Variants in PRUNE2 observed in about 807,000 individuals in gnomAD.
PRUNE2 encodes protein prune homolog 2.
A neutral mutation model predicts 252.0 loss-of-function variants in PRUNE2; 164 were observed. The observed-to-expected ratio is 0.65, with a 90% confidence interval of 0.57 to 0.74. PRUNE2 has a LOEUF of 0.74. Among genes scored for constraint, PRUNE2 ranks in the 30% least tolerant of loss-of-function variants. The pLI is 0.00. For missense variants in PRUNE2, 3,495 were observed against 3,711.0 expected, an observed-to-expected ratio of 0.94 and a Z score of 1.51; for synonymous variants, 1,292 against 1,350.2, an observed-to-expected ratio of 0.96 and a Z score of 0.94.
At chr9:76,754,466 A>G (rs939867797) in intron 6 of PRUNE2, among the ~76,000 whole-genome samples, 2 of 152,300 alleles carry the variant, frequency 1.3e-5, no homozygotes, top group Non-Finnish European at 2.9e-5. Flanking sequence ...ATGGGCACGC[A>G]TGAACATCAT....
intron 9 of PRUNE2, chr9:76,692,065 C>G (rs542947020): frequency 2.8e-6 from 2 of 717,456 alleles, no homozygotes; most frequent in African/African-American, 3.5e-5. Flanking sequence ...TACACCAGGA[C>G]CCACCTACCT....
At chr9:76,773,588 C>T (rs374381994) in intron 6 of PRUNE2, among the ~76,000 whole-genome samples, 52 of 152,152 alleles carry the variant, frequency 3.4e-4, no homozygotes, top group Admixed American at 1.1e-3. Flanking sequence ...GGATTACAGG[C>T]ACCTGCCAGC....
At chr9:76,828,849 C>T (rs555493354) in intron 4 of PRUNE2, among the ~76,000 whole-genome samples, 1 of 152,140 alleles carries the variant, frequency 6.6e-6, no homozygotes, top group South Asian at 2.1e-4. Context: ...AACCCCATCT[C>T]TACTAAAAAT....
intron 1 of PRUNE2, among the ~76,000 whole-genome samples, chr9:76,878,039 A>G (rs1460321476): frequency 6.6e-6 from 1 of 152,230 alleles, no homozygotes; most frequent in Non-Finnish European, 1.5e-5. Flanking sequence ...TAGCTGCATC[A>G]GCAAGATGCT....
intron 14 of PRUNE2, 129 bp downstream of exon 14, chr9:76,637,289 A>G (rs1840581093): frequency 1.1e-6 from 1 of 909,250 alleles, no homozygotes; most frequent in East Asian, 2.5e-5. Context: ...AACTTAGACA[A>G]TTTATTTGAT....
intron 9 of PRUNE2, among the ~76,000 whole-genome samples, chr9:76,693,745 G>C (rs762334126): frequency 2.0e-5 from 3 of 152,080 alleles, no homozygotes; most frequent in Non-Finnish European, 4.4e-5. Flanking sequence ...CCCGGCCTTA[G>C]CTCCTATTCT....
chr9:76,836,468 G>GGT (rs1378630292), intron 4 of PRUNE2, among the ~76,000 whole-genome samples: 1 of 151,626 alleles, frequency 6.6e-6, no homozygotes, highest in Non-Finnish European at 1.5e-5. Flanking sequence ...AGCAAAAATA[G>GGT]GTGGGCAAGG....
chr9:76,838,684 A>C (rs2059211447), intron 4 of PRUNE2, among the ~76,000 whole-genome samples: 1 of 149,170 alleles, frequency 6.7e-6, no homozygotes, highest in African/African-American at 2.4e-5. Context: ...TACAGCCAGA[A>C]CCCATCTGTA....
chr9:76,860,089 C>G (rs894342324), intron 1 of PRUNE2, among the ~76,000 whole-genome samples: 11 of 152,144 alleles, frequency 7.2e-5, no homozygotes, highest in African/African-American at 2.7e-4. Context: ...ACAGGGGTGT[C>G]TAAACTGTCT....
rs559152632 is a variant in PRUNE2, at chr9:76,898,216, G to T, written c.36+7712C>A. On this transcript the variant is annotated intron_variant, in intron 1 of 18. Coordinates refer to ENST00000376718, the MANE Select transcript of PRUNE2 (RefSeq NM_015225.3). Reference sequence around the variant, plus strand: ...AAGGAGGACAAAAGTCCTTCTAAGGGTCTCCTAAATCCACAACTCATACTC... The same window carrying T: ...AAGGAGGACAAAAGTCCTTCTAAGGTTCTCCTAAATCCACAACTCATACTC... Among the ~76,000 whole-genome samples, 20 of 152,334 alleles carry T rather than the reference G, an allele frequency of 1.3e-4. 1 individual carries two copies. The South Asian group carries it at 4.1e-3, about 32-fold the overall frequency.
chr9:76,865,290 C>T (rs548964801), intron 1 of PRUNE2, among the ~76,000 whole-genome samples: 21 of 152,096 alleles, frequency 1.4e-4, no homozygotes, highest in African/African-American at 5.1e-4. Flanking sequence ...GTCAGGAGTT[C>T]GAGACCAGCC....
At chr9:76,799,533 G>A (rs1370026407) in intron 6 of PRUNE2, among the ~76,000 whole-genome samples, 4 of 152,164 alleles carry the variant, frequency 2.6e-5, no homozygotes, top group African/African-American at 9.7e-5. Context: ...CATGGTGGGG[G>A]AAAGAGGCAG....
intron 1 of PRUNE2, among the ~76,000 whole-genome samples, chr9:76,889,952 C>T (rs1321297811): frequency 2.0e-5 from 3 of 152,164 alleles, no homozygotes; most frequent in African/African-American, 7.2e-5. Context: ...AATCAGAGTC[C>T]GCCTTTCAGC....
intron 1 of PRUNE2, among the ~76,000 whole-genome samples, chr9:76,871,600 A>G (rs1432346613): frequency 2.0e-5 from 3 of 152,166 alleles, no homozygotes; most frequent in Non-Finnish European, 2.9e-5. Flanking sequence ...ACAGTGGTCA[A>G]TCTTGATTAT....
At chr9:76,678,614 G>A (rs1000931759) in intron 9 of PRUNE2, among the ~76,000 whole-genome samples, 3 of 152,100 alleles carry the variant, frequency 2.0e-5, no homozygotes, top group East Asian at 3.9e-4. Flanking sequence ...CGGATGACGA[G>A]GTCAGGAGAT....
intron 1 of PRUNE2, among the ~76,000 whole-genome samples, chr9:76,897,390 C>CTATTTTTTTTTT (rs1564527202): frequency 3.6e-5 from 2 of 56,252 alleles, no homozygotes; most frequent in Non-Finnish European, 7.3e-5. Flanking sequence ...AGGCAAACCT[C>CTATTTTTTTTTT]TTTTTTTTTT....
chr9:76,618,906 A>C (rs1012116368), intron 18 of PRUNE2, among the ~76,000 whole-genome samples: 1 of 152,228 alleles, frequency 6.6e-6, no homozygotes, highest in Non-Finnish European at 1.5e-5. Flanking sequence ...TCATTCCTAC[A>C]GTCTCATACA....
At chr9:76,783,142 T>C (rs1000572270) in intron 6 of PRUNE2, among the ~76,000 whole-genome samples, 1 of 152,190 alleles carries the variant, frequency 6.6e-6, no homozygotes, top group Non-Finnish European at 1.5e-5. Context: ...TTTTTTTGTT[T>C]GTTTGTTTTT....
intron 1 of PRUNE2, among the ~76,000 whole-genome samples, chr9:76,880,828 A>G (rs1050519839): frequency 1.3e-5 from 2 of 152,238 alleles, no homozygotes; most frequent in African/African-American, 4.8e-5. Context: ...TTATTTTGTT[A>G]ACATGAAACA....
Sources: allele counts gnomAD v4.1 joint callset (sites outside exome capture counted in the v4.1 genomes callset), GRCh38; gene constraint gnomAD v4.1.1; transcripts MANE v1.5; gene names NCBI Gene and HGNC (gene_info 2026-07-23, HGNC 2026-07-21).